PCGF6: variants seen among roughly 807,000 people sequenced by gnomAD.
The protein encoded by PCGF6 is polycomb group RING finger protein 6.
PCGF6 carries 24 observed loss-of-function variants against 45.5 expected under a neutral mutation model. The observed-to-expected ratio is 0.53, with a 90% CI of 0.38 to 0.74. The LOEUF (loss-of-function observed/expected upper bound fraction) is 0.74, where lower values mean the gene tolerates loss of function less well. Among genes scored for constraint, PCGF6 ranks in the 30% least tolerant of loss-of-function variants. PCGF6 has a pLI of 0.00. For synonymous variants in PCGF6, 152 were observed against 162.1 expected, an observed-to-expected ratio of 0.94 and a Z score of 0.47; for missense variants, 356 against 443.2, an observed-to-expected ratio of 0.80 and a Z score of 1.77.
intron 9 of PCGF6, among the ~76,000 whole-genome samples, chr10:103,304,656 C>CTT (rs34403112): frequency 0.017 from 2,351 of 137,326 alleles, 54 homozygotes; most frequent in Middle Eastern, 0.038. Context: ...CCCAGCCCCA[C>CTT]TTTTTTTTTT....
At chr10:103,321,691 G>A (rs1047805483) in intron 8 of PCGF6, among the ~76,000 whole-genome samples, 2 of 151,904 alleles carry the variant, frequency 1.3e-5, no homozygotes, top group African/African-American at 4.8e-5. Context: ...CAGCCTGGGT[G>A]ACAGAGACTC....
chr10:103,304,042 T>A (rs2093128624), intron 9 of PCGF6, 81 bp from the exon 10 acceptor site: 1 of 1,143,248 alleles, frequency 8.7e-7, no homozygotes, highest in Admixed American at 2.1e-5. Context: ...CTGGCTTACT[T>A]TTTTTTAATA....
At chr10:103,326,174 G>A (rs2093217472) in intron 8 of PCGF6, among the ~76,000 whole-genome samples, 1 of 151,834 alleles carries the variant, frequency 6.6e-6, no homozygotes, top group South Asian at 2.1e-4. Flanking sequence ...GAGGCGGGCG[G>A]ATCACGAGGT....
intron 9 of PCGF6, among the ~76,000 whole-genome samples, chr10:103,305,864 A>G (rs1163677847): frequency 1.3e-5 from 2 of 151,490 alleles, no homozygotes; most frequent in African/African-American, 4.8e-5. Context: ...CCTGGGCAAC[A>G]TGGTGAAACT....
chr10:103,308,016 A>T (rs1466422173), intron 9 of PCGF6, among the ~76,000 whole-genome samples: 3 of 152,116 alleles, frequency 2.0e-5, no homozygotes, highest in Admixed American at 6.5e-5. Flanking sequence ...CGAGCAGATC[A>T]CTTGAGGTCA....
rs929742522 is a variant in PCGF6 at position 103,346,196 on chromosome 10, T to TA, written c.673+1041dup. ...TGCGACAGAGCAAGTCCATCTCATT[T>TA]AAAAAAAAAAAAAAGCCAGGCGCGG... On this transcript the variant is annotated intron_variant, in intron 5 of 9. Coordinates refer to ENST00000369847, the MANE Select transcript of PCGF6 (RefSeq NM_001011663.2). Among the ~76,000 whole-genome samples the TA allele has an allele frequency of 9.7e-3, 1,247 of 128,032 alleles. 10 individuals carry two copies. Among genetic ancestry groups the TA allele is most frequent in the African/African-American group, 0.025 (850 of 34,548 alleles). 84.0% of individuals were successfully genotyped at this position (128,032 alleles called of 152,430 possible). A position where few individuals can be genotyped will look rare whatever the true frequency, so the allele number is the denominator to read the frequency against.
At chr10:103,348,873 A>G (rs1359224561) in intron 2 of PCGF6, 27 bp downstream of exon 2, 3 of 1,603,662 alleles carry the variant, frequency 1.9e-6, no homozygotes, top group Non-Finnish European at 2.6e-6. Context: ...CTGAAAAATT[A>G]TTCAGAAATG....
chr10:103,320,000 G>C (rs553059922), intron 8 of PCGF6, among the ~76,000 whole-genome samples: 1 of 151,962 alleles, frequency 6.6e-6, no homozygotes, highest in African/African-American at 2.4e-5. Flanking sequence ...TAGAGATGGG[G>C]TTTCACCATG....
chr10:103,347,145 T>G (rs917785868), intron 5 of PCGF6, 93 bp downstream of exon 5: 8 of 948,632 alleles, frequency 8.4e-6, no homozygotes, highest in Admixed American at 2.3e-5. Flanking sequence ...GATCATATAA[T>G]AAGCTACCCC....
intron 8 of PCGF6, among the ~76,000 whole-genome samples, chr10:103,326,168 C>T (rs534606856): frequency 2.6e-5 from 4 of 151,952 alleles, no homozygotes; most frequent in South Asian, 2.1e-4. Flanking sequence ...GAGGCCGAGG[C>T]GGGCGGATCA....
chr10:103,345,702 C>A (rs2093296454), intron 5 of PCGF6, among the ~76,000 whole-genome samples: 2 of 151,524 alleles, frequency 1.3e-5, no homozygotes. Flanking sequence ...GTGGCATGTG[C>A]CTGTAATCCC....
intron 6 of PCGF6, 61 bp from the exon 7 acceptor site, chr10:103,334,013 AAAC>A (rs887384175): frequency 4.3e-5 from 48 of 1,113,434 alleles, no homozygotes; most frequent in Non-Finnish European, 5.4e-5. Context: ...TTTAATCATA[AAAC>A]AACATATATA....
In PCGF6 at chr10:103,337,835, C is replaced by T. The variant is rs535453242; in HGVS notation, c.783-3883G>A. Reference sequence around the variant, plus strand: ...ATCCCAGCACTTTGGGAGGCCGAGGCGGGCGGATCACGAGGTCAGGAGATC... The same window carrying T: ...ATCCCAGCACTTTGGGAGGCCGAGGTGGGCGGATCACGAGGTCAGGAGATC... On this transcript the variant is annotated intron_variant, in intron 6 of 9. Coordinates refer to ENST00000369847, the MANE Select transcript of PCGF6 (RefSeq NM_001011663.2). Among the ~76,000 whole-genome samples the T allele has an allele frequency of 1.7e-4, 11 of 63,600 alleles. 3 individuals carry two copies. The highest frequency in any genetic ancestry group is 1.6e-3 in the Admixed American group (10 of 6,348). The allele number at this position is 63,600 out of a possible 152,430, so 41.7% of individuals were successfully genotyped here. A position where few individuals can be genotyped will look rare whatever the true frequency, so the allele number is the denominator to read the frequency against.
intron 6 of PCGF6, among the ~76,000 whole-genome samples, chr10:103,341,603 CTTTT>C (rs752308460): frequency 7.1e-6 from 1 of 141,526 alleles, no homozygotes; most frequent in Non-Finnish European, 1.5e-5. Flanking sequence ...CCACATCCAG[CTTTT>C]TTTTTTTTTG....
intron 9 of PCGF6, among the ~76,000 whole-genome samples, chr10:103,313,282 A>G (rs2093163743): frequency 6.6e-6 from 1 of 152,074 alleles, no homozygotes; most frequent in African/African-American, 2.4e-5. Flanking sequence ...ATGCTAACAC[A>G]GGCTGGGCAG....
intron 6 of PCGF6, among the ~76,000 whole-genome samples, chr10:103,342,487 G>C (rs1324542829): frequency 6.6e-6 from 1 of 152,116 alleles, no homozygotes; most frequent in African/African-American, 2.4e-5. Context: ...GCCCGCCTCG[G>C]CCTCCCAAAG....
rs756749618 is a variant in PCGF6, at chr10:103,350,782, CTCT to C, written c.282_284del (p.Glu99del). The C allele has an allele frequency of 1.9e-6, 3 of 1,550,626 alleles. No individual in the cohort carries two copies. Among genetic ancestry groups the C allele is most frequent in the Non-Finnish European group, 2.6e-6 (3 of 1,146,546 alleles). On this transcript the variant is annotated inframe_deletion, in exon 1 of 10. Coordinates refer to ENST00000369847, the MANE Select transcript of PCGF6 (RefSeq NM_001011663.2). Reference sequence around the variant, plus strand: ...AGTGACTCATGTCCTCCTCCTCCTCCTCTTCTTCCTCCTCCAGCTCCTCTTCTT... The same window carrying C: ...AGTGACTCATGTCCTCCTCCTCCTCCTCTTCCTCCTCCAGCTCCTCTTCTT...
At chr10:103,324,856 T>C (rs1016123150) in intron 8 of PCGF6, among the ~76,000 whole-genome samples, 1 of 150,090 alleles carries the variant, frequency 6.7e-6, no homozygotes, top group Non-Finnish European at 1.5e-5. Flanking sequence ...TAGGGTCAGC[T>C]GGGCATGGTG....
At chr10:103,315,969 T>C (rs1245824411) in intron 8 of PCGF6, among the ~76,000 whole-genome samples, 1 of 67,820 alleles carries the variant, frequency 1.5e-5, no homozygotes, top group African/African-American at 6.4e-5. Flanking sequence ...ACAGCTTATA[T>C]GTGTGTGTGT....
Sources: allele counts gnomAD v4.1 joint callset (sites outside exome capture counted in the v4.1 genomes callset), GRCh38; gene constraint gnomAD v4.1.1; transcripts MANE v1.5; gene names NCBI Gene and HGNC (gene_info 2026-07-23, HGNC 2026-07-21).